NLRP5: variants seen among roughly 807,000 people sequenced by gnomAD.
NLRP5 encodes NLR family pyrin domain containing 5.
A neutral mutation model predicts 113.1 loss-of-function variants in NLRP5; 93 were observed. The ratio of observed to expected loss-of-function variants is 0.82; its 90% CI spans 0.70 to 0.98. The LOEUF is 0.98. Ranked by LOEUF, NLRP5 falls within the 50% of genes least tolerant of loss-of-function variation. The probability of loss-of-function intolerance (pLI) is 0.00; values close to 1 mark genes in which losing one functional copy is unlikely to be tolerated. For missense variants in NLRP5, 1,808 were observed against 1,514.3 expected (o/e 1.19, Z -3.22); for synonymous variants, 751 against 600.7 (o/e 1.25, Z -3.66).
At chr19:56,051,486 C>T (rs1460151343) in intron 12 of NLRP5, among the ~76,000 whole-genome samples, 4 of 152,162 alleles carry the variant, frequency 2.6e-5, no homozygotes, top group Non-Finnish European at 5.9e-5. Context: ...AGCCACTGCA[C>T]CCCGCCAAGC....
intron 5 of NLRP5, among the ~76,000 whole-genome samples, chr19:56,019,715 T>C (rs1982541683): frequency 6.6e-6 from 1 of 152,194 alleles, no homozygotes; most frequent in Non-Finnish European, 1.5e-5. Context: ...AATGCTGTCT[T>C]CAAACTTAAG....
chr19:56,056,792 C>A (rs77691235), intron 13 of NLRP5, among the ~76,000 whole-genome samples: 1 of 152,144 alleles, frequency 6.6e-6, no homozygotes, highest in Admixed American at 6.6e-5. Context: ...CTCACCATCT[C>A]GCCATAGGTG....
intron 7 of NLRP5, among the ~76,000 whole-genome samples, chr19:56,031,007 C>T (rs528870693): frequency 6.8e-4 from 103 of 151,910 alleles, no homozygotes; most frequent in African/African-American, 2.4e-3. Context: ...CGACTGCGCC[C>T]GGCCTCTATT....
intron 6 of NLRP5, among the ~76,000 whole-genome samples, chr19:56,021,486 C>G (rs1196606969): frequency 6.6e-6 from 1 of 152,024 alleles, no homozygotes; most frequent in Non-Finnish European, 1.5e-5. Context: ...CACCAGTTTC[C>G]TCTCCCTCAA....
rs201872216 is a variant in NLRP5, at chr19:56,005,332, TATACAC to T, written c.442+1253_442+1258del. ...ATTTATATATACACACATATTTATA[TATACAC>T]ATACACATACACATATATTTTTATA... On this transcript the variant is annotated intron_variant, in intron 2 of 14. Transcript: ENST00000390649. Among the ~76,000 whole-genome samples, 290 of 140,694 alleles carry T rather than the reference TATACAC, an allele frequency of 2.1e-3. 1 individual carries two copies. The highest frequency in any genetic ancestry group is 0.011 in the Middle Eastern group (3 of 266). The allele number at this position is 140,694 out of a possible 152,430, so 92.3% of individuals were successfully genotyped here. A position where few individuals can be genotyped will look rare whatever the true frequency, so the allele number is the denominator to read the frequency against.
At chr19:56,005,186 C>CAT (rs202216203) in intron 2 of NLRP5, among the ~76,000 whole-genome samples, 21,132 of 141,938 alleles carry the variant, frequency 0.15, 1,758 homozygotes, top group African/African-American at 0.19. Context: ...TATATACACA[C>CAT]ATATTTTTAT....
intron 4 of NLRP5, among the ~76,000 whole-genome samples, chr19:56,018,310 T>C (rs1018412901): frequency 2.0e-5 from 3 of 152,218 alleles, no homozygotes; most frequent in African/African-American, 4.8e-5. Flanking sequence ...AAATGGCAAA[T>C]CTATTCTCAT....
intron 11 of NLRP5, among the ~76,000 whole-genome samples, chr19:56,047,168 A>G (rs894134828): frequency 6.6e-6 from 1 of 152,062 alleles, no homozygotes; most frequent in Non-Finnish European, 1.5e-5. Context: ...TAGTCTATCA[A>G]TTTTATATTT....
At chr19:56,017,838 T>C (rs1271385109) in intron 4 of NLRP5, among the ~76,000 whole-genome samples, 1 of 152,214 alleles carries the variant, frequency 6.6e-6, no homozygotes, top group East Asian at 1.9e-4. Context: ...GCTCGTTTGT[T>C]TGTCTCACTC....
intron 5 of NLRP5, 124 bp from the exon 6 acceptor site, chr19:56,020,251 G>A (rs575012044): frequency 9.9e-5 from 111 of 1,117,426 alleles, no homozygotes; most frequent in African/African-American, 7.1e-4. Context: ...TAGTTGAGCC[G>A]GTGGTTGTCA....
chr19:55,988,229 T>TA, the NLRP5 span: 661 of 151,076 alleles, frequency 4.4e-3, 4 homozygotes, highest in East Asian at 0.015. Context: ...CCGCCTCTAC[T>TA]AAAAAAAAAA....
chr19:56,008,679 GT>G (rs1368544780), intron 2 of NLRP5, 108 bp from the exon 3 acceptor site: 4 of 919,608 alleles, frequency 4.3e-6, no homozygotes, highest in Non-Finnish European at 6.9e-6. Context: ...AGATCCTGAG[GT>G]TTGTCTTGGT....
At chr19:56,052,873 T>C (rs897958175) in intron 12 of NLRP5, among the ~76,000 whole-genome samples, 4 of 152,272 alleles carry the variant, frequency 2.6e-5, no homozygotes, top group African/African-American at 7.2e-5. Context: ...TTTCTCCTCC[T>C]CCCCCGTGGA....
chr19:56,044,456 C>T (rs1266716648), intron 11 of NLRP5, among the ~76,000 whole-genome samples: 1 of 152,164 alleles, frequency 6.6e-6, no homozygotes, highest in Non-Finnish European at 1.5e-5. Context: ...ATCTCAGCAC[C>T]GTTTGTCGAA....
In NLRP5 at chr19:56,010,606, A is replaced by G. The variant is rs147943373; in HGVS notation, c.508+1753A>G. 1.3e-3 allele frequency among the ~76,000 whole-genome samples: 189 copies of G among 147,836 alleles called. 1 individual carries two copies. The highest frequency in any genetic ancestry group is 2.3e-3 in the Non-Finnish European group (154 of 67,386). ...CTAAAAATACAGGAAAAAAAAAACT[A>G]GCCAGGCGTGGTGGCATGTGCCCGT... On this transcript the variant is annotated intron_variant, in intron 3 of 14. Coordinates refer to ENST00000390649, the MANE Select transcript of NLRP5 (RefSeq NM_153447.4).
At chr19:56,049,085 A>C (rs1170635606) in intron 11 of NLRP5, among the ~76,000 whole-genome samples, 1 of 147,404 alleles carries the variant, frequency 6.8e-6, no homozygotes, top group Non-Finnish European at 1.5e-5. Context: ...GGACTCAAGC[A>C]ATTCTCCTGC....
the NLRP5 span, chr19:55,988,727 G>A: frequency 1.3e-5 from 2 of 151,732 alleles, no homozygotes; most frequent in Non-Finnish European, 2.9e-5. Context: ...ATTGTGTAGA[G>A]CGGTAAGGGA....
At chr19:55,991,508 C>T in the NLRP5 span, among the ~76,000 whole-genome samples, 7 of 151,856 alleles carry the variant, frequency 4.6e-5, no homozygotes, top group African/African-American at 9.7e-5. Flanking sequence ...ATCTAGCAGC[C>T]GCATTTTAAA....
In NLRP5 at chr19:56,059,284, C is replaced by A. The variant is rs540848048; in HGVS notation, c.3470+874C>A. On this transcript the variant is annotated intron_variant, in intron 14 of 14. Transcript: ENST00000390649. ...TGAGTTGATGGAGTTCACAGAAGTTCTTCAGGACCATCTCTTAAGACTAGA... is the reference window on the plus strand; with the variant it reads ...TGAGTTGATGGAGTTCACAGAAGTTATTCAGGACCATCTCTTAAGACTAGA... Among the ~76,000 whole-genome samples the A allele has an allele frequency of 4.6e-5, 7 of 152,304 alleles. No individual in the cohort carries two copies. The South Asian group carries it at 1.5e-3, about 32-fold the overall frequency.
Sources: gnomAD v4.1 joint callset for allele counts (sites outside exome capture counted in the v4.1 genomes callset) on GRCh38, gnomAD v4.1.1 for gene constraint, MANE v1.5 for transcripts, NCBI Gene and HGNC (gene_info 2026-07-23, HGNC 2026-07-21) for gene names.